SCARB2: variants seen among roughly 807,000 people sequenced by gnomAD.
The protein encoded by SCARB2 is lysosome membrane protein 2.
A neutral mutation model predicts 58.6 loss-of-function variants in SCARB2; 29 were observed. The observed-to-expected ratio is 0.49, with a 90% CI of 0.37 to 0.67. SCARB2 has a LOEUF of 0.67. SCARB2 is among the 30% of genes least tolerant of loss of function. The pLI is 0.00. For missense variants in SCARB2, 488 were observed against 578.5 expected, an observed-to-expected ratio of 0.84 and a Z score of 1.60; for synonymous variants, 195 against 210.1, an observed-to-expected ratio of 0.93 and a Z score of 0.62.
At chr4:76,214,179 C>G, upstream of SCARB2, 2 of 453,072 alleles carry the variant, frequency 4.4e-6, no homozygotes, top group Non-Finnish European at 8.8e-6. Flanking sequence ...CTGGGACATT[C>G]CCCTGCTCTA....
upstream of SCARB2, chr4:76,214,447 A>G: frequency 5.2e-6 from 2 of 387,092 alleles, no homozygotes; most frequent in South Asian, 3.8e-5. Flanking sequence ...ATTGGGGGTG[A>G]AAGAGCAAAA....
intron 1 of SCARB2, chr4:76,213,170 A>G (rs1341785836): frequency 2.1e-6 from 1 of 486,744 alleles, no homozygotes; most frequent in African/African-American, 2.0e-5. Flanking sequence ...TGCAAACGAC[A>G]GAACACAACC....
intron 9 of SCARB2, chr4:76,166,852 A>T (rs1485006062): frequency 5.8e-5 from 9 of 155,524 alleles, no homozygotes; most frequent in Non-Finnish European, 1.0e-4. Flanking sequence ...TGCTTCTAAG[A>T]TTCCAGCTCT....
At chr4:76,178,290 G>T (rs916342260) in intron 4 of SCARB2, among the ~76,000 whole-genome samples, 1 of 152,168 alleles carries the variant, frequency 6.6e-6, no homozygotes, top group African/African-American at 2.4e-5. Context: ...TAATAGGAGT[G>T]AACAATTGTT....
intron 7 of SCARB2, 179 bp downstream of exon 7, chr4:76,173,965 C>T (rs560179040): frequency 5.7e-6 from 4 of 697,796 alleles, no homozygotes; most frequent in East Asian, 2.5e-5. Flanking sequence ...ACAGTGGTCT[C>T]GCCATGTTGC....
intron 1 of SCARB2, among the ~76,000 whole-genome samples, chr4:76,198,427 C>G (rs1282968238): frequency 6.6e-6 from 1 of 152,240 alleles, no homozygotes; most frequent in East Asian, 1.9e-4. Flanking sequence ...CCTGGCTGTT[C>G]TGACATGCGT....
chr4:76,174,461 A>G, intron 6 of SCARB2, 148 bp from the exon 7 acceptor site: 4 of 699,680 alleles, frequency 5.7e-6, no homozygotes, highest in Non-Finnish European at 1.0e-5. Context: ...CATTCTGTCA[A>G]CTCAACGTGT....
At chr4:76,175,990 G>C in intron 5 of SCARB2, 80 bp from the exon 6 acceptor site, 1 of 1,512,588 alleles carries the variant, frequency 6.6e-7, no homozygotes, top group Non-Finnish European at 9.1e-7. Flanking sequence ...GACTTTGCAA[G>C]ATTTAACTGG....
intron 1 of SCARB2, among the ~76,000 whole-genome samples, chr4:76,223,071 A>G (rs757879457): frequency 4.7e-4 from 72 of 152,336 alleles, no homozygotes; most frequent in African/African-American, 1.7e-3. Flanking sequence ...TCAATATCAA[A>G]GGTAAGGCTT....
chr4:76,163,241 T>A lies in SCARB2; in HGVS notation c.1382A>T (p.Gln461Leu). Residue 461 changes from glutamine (Q) to leucine (L), a missense_variant, in exon 11 of 12, where the codon CAG becomes CTG. Coordinates refer to ENST00000264896, the MANE Select transcript of SCARB2 (RefSeq NM_005506.4). ...AGTTCTCACCTCATCCATGGATCCCTGTCCTTTGCATGCAAGCCAGGTAAA... is the reference window on the plus strand; with the variant it reads ...AGTTCTCACCTCATCCATGGATCCCAGTCCTTTGCATGCAAGCCAGGTAAA... ...LVFTWLACKG[Q>L]GSMDEGTADE... is the part of the protein sequence containing the mutation. 6.2e-7 allele frequency: 1 copy of A among 1,614,184 alleles called. No individual in the cohort carries two copies. Among genetic ancestry groups the A allele is most frequent in the South Asian group, 1.1e-5 (1 of 91,080 alleles).
At position 76,176,420 on chromosome 4, in the gene SCARB2, T is replaced by C. The variant is rs762520392; in HGVS notation, c.704+17A>G. On this transcript the variant is annotated intron_variant, in intron 5 of 11. Transcript: ENST00000264896. ...AAAACTGAAAAAATAATTCCACTGA[T>C]AAATCATTTGACTTACGTTTTCCCA... 7 of 1,553,592 alleles carry C rather than the reference T, an allele frequency of 4.5e-6. No homozygotes were observed. Among genetic ancestry groups the C allele is most frequent in the Non-Finnish European group, 6.2e-6 (7 of 1,126,186 alleles).
intron 2 of SCARB2, among the ~76,000 whole-genome samples, chr4:76,188,800 G>A (rs1433386315): frequency 6.6e-6 from 1 of 152,168 alleles, no homozygotes; most frequent in Non-Finnish European, 1.5e-5. Context: ...GGTTTGGACA[G>A]CTCCCTAAAA....
intron 1 of SCARB2, among the ~76,000 whole-genome samples, chr4:76,210,149 G>A (rs2109971088): frequency 6.6e-6 from 1 of 152,344 alleles, no homozygotes; most frequent in East Asian, 1.9e-4. Flanking sequence ...GCGAGGCATT[G>A]TGCTGGGTGC....
intron 10 of SCARB2, 137 bp from the exon 11 acceptor site, chr4:76,163,520 A>G (rs1560703414): frequency 1.1e-6 from 1 of 887,534 alleles, no homozygotes; most frequent in East Asian, 2.6e-5. Context: ...AAATCCATTT[A>G]TAAGTCAGAG....
intron 2 of SCARB2, among the ~76,000 whole-genome samples, chr4:76,189,787 A>C (rs1732566083): frequency 6.6e-6 from 1 of 152,106 alleles, no homozygotes; most frequent in African/African-American, 2.4e-5. Context: ...GGTTTTTTAA[A>C]AAGTCCCTTA....
rs371572889 is a variant in SCARB2 at position 76,179,575 on chromosome 4, A to C, written c.554T>G (p.Leu185Trp). ...ELLWGYKDEI[L>W]SLIHVFRPDI... ...GGGCCTGAAAACATGGATAAGGGAC[A>C]AGATTTCATCTTTGTAGCCCCAGAG... Residue 185 changes from leucine to tryptophan, a missense_variant, in exon 4 of 12, where the codon TTG becomes TGG. Leu to Trp is a moderately conservative substitution (Grantham distance 61). Transcript: ENST00000264896. The C allele has an allele frequency of 3.7e-6, 6 of 1,614,108 alleles. No individual in the cohort carries two copies. The highest frequency in any genetic ancestry group is 1.1e-5 in the South Asian group (1 of 91,094).
chr4:76,169,807 G>A (rs562952755), intron 8 of SCARB2, 60 bp downstream of exon 8: 17 of 1,339,336 alleles, frequency 1.3e-5, no homozygotes, highest in East Asian at 2.3e-5. Flanking sequence ...CTAAACTGGT[G>A]AACAATGTAT....
In SCARB2 at chr4:76,177,741, G is replaced by A. The variant is rs10004032; in HGVS notation, c.613-1213C>T. On this transcript the variant is annotated intron_variant, in intron 4 of 11. Transcript: ENST00000264896. Reference sequence around the variant, plus strand: ...ACATGCTACAACATGGATGAACCCTGACAACATTACACTAAATTTAAAAAG... The same window carrying A: ...ACATGCTACAACATGGATGAACCCTAACAACATTACACTAAATTTAAAAAG... Among the ~76,000 whole-genome samples, 278 of 152,262 alleles carry A rather than the reference G, an allele frequency of 1.8e-3. 1 individual carries two copies. The highest frequency in any genetic ancestry group is 6.4e-3 in the African/African-American group (264 of 41,538).
intron 2 of SCARB2, among the ~76,000 whole-genome samples, chr4:76,190,257 A>G (rs6857166): frequency 0.66 from 100,431 of 151,762 alleles, 35,476 homozygotes; most frequent in East Asian, 0.98. Context: ...TGATCTGCCC[A>G]CCTCAACCCC....
Sources: gnomAD v4.1 joint callset for allele counts (sites outside exome capture counted in the v4.1 genomes callset) on GRCh38, gnomAD v4.1.1 for gene constraint, MANE v1.5 for transcripts, NCBI Gene and HGNC (gene_info 2026-07-23, HGNC 2026-07-21) for gene names.